Variants in ESR1 observed in about 807,000 individuals in gnomAD.
The protein encoded by ESR1 is estrogen receptor 1.
ESR1 carries 12 observed loss-of-function variants against 52.7 expected under a neutral mutation model. That is an observed-to-expected ratio of 0.23 (90% confidence interval 0.15 to 0.37). The LOEUF (loss-of-function observed/expected upper bound fraction) is 0.37. Ranked by LOEUF, ESR1 falls within the 10% of genes least tolerant of loss-of-function variation. The probability of loss-of-function intolerance (pLI) is 1.00; values close to 1 mark genes in which losing one functional copy is unlikely to be tolerated. For synonymous variants in ESR1, 305 were observed against 316.8 expected, an observed-to-expected ratio of 0.96 and a Z score of 0.39; for missense variants, 584 against 779.7, an observed-to-expected ratio of 0.75 and a Z score of 2.99.
intron 2 of ESR1, among the ~76,000 whole-genome samples, chr6:151,871,652 G>T (rs754949276): frequency 6.6e-6 from 1 of 152,022 alleles, no homozygotes; most frequent in Non-Finnish European, 1.5e-5. Flanking sequence ...TGATCTGCCC[G>T]CCTCAGCCTC....
intron 1 of ESR1, among the ~76,000 whole-genome samples, chr6:151,825,258 G>A (rs1036277836): frequency 3.9e-5 from 6 of 152,160 alleles, no homozygotes; most frequent in Non-Finnish European, 8.8e-5. Flanking sequence ...TGGCTTGGGA[G>A]ATGGCATGCT....
intron 4 of ESR1, among the ~76,000 whole-genome samples, chr6:152,006,109 T>C (rs1428142591): frequency 6.6e-6 from 1 of 152,072 alleles, no homozygotes; most frequent in Non-Finnish European, 1.5e-5. Context: ...AAGAGAAAGC[T>C]CATGTTCTTC....
intron 2 of ESR1, among the ~76,000 whole-genome samples, chr6:151,728,691 C>A (rs1001163564): frequency 6.6e-6 from 1 of 152,148 alleles, no homozygotes; most frequent in Non-Finnish European, 1.5e-5. Flanking sequence ...TTTGATGCGC[C>A]TCCTTTTAAA....
upstream of ESR1, among the ~76,000 whole-genome samples, chr6:151,801,728 G>A (rs931347209): frequency 6.6e-6 from 1 of 152,232 alleles, no homozygotes; most frequent in Non-Finnish European, 1.5e-5. Flanking sequence ...AAAAGCCATT[G>A]TACTTAAAGA....
chr6:152,085,633 GATATCCCAGC>G (rs1362313596), intron 6 of ESR1, among the ~76,000 whole-genome samples: 2 of 152,092 alleles, frequency 1.3e-5, no homozygotes, highest in Non-Finnish European at 2.9e-5. Context: ...AGACCTGTCT[GATATCCCAGC>G]ATAGGACACT....
At chr6:152,069,227 A>T (rs1018866604) in intron 6 of ESR1, among the ~76,000 whole-genome samples, 3 of 136,600 alleles carry the variant, frequency 2.2e-5, no homozygotes, top group Non-Finnish European at 4.5e-5. Context: ...TTCTGGCAAG[A>T]AGGAGGCTGA....
Position 151,872,746 on chromosome 6 carries a change from A to G in ESR1, c.644-7909A>G, listed in dbSNP as rs141730114. Among the ~76,000 whole-genome samples, 41 of 152,268 alleles carry G rather than the reference A, an allele frequency of 2.7e-4. No individual in the cohort carries two copies. The East Asian group carries it at 6.2e-3, about 23-fold the overall frequency. On this transcript the variant is annotated intron_variant, in intron 2 of 7. Transcript: ENST00000206249. ...AGTAGATAATGTGGGTGGTCCTACC[A>G]AGACAAAGCATCACTCAGGAGTCAA...
intron 3 of ESR1, among the ~76,000 whole-genome samples, chr6:151,896,311 C>A (rs1410641517): frequency 6.6e-6 from 1 of 152,096 alleles, no homozygotes; most frequent in Non-Finnish European, 1.5e-5. Context: ...TTCATCTGGT[C>A]CTGGACTTTT....
chr6:151,719,364 A>G (rs1781290242), intron 2 of ESR1, among the ~76,000 whole-genome samples: 2 of 152,162 alleles, frequency 1.3e-5, no homozygotes, highest in Admixed American at 1.3e-4. Flanking sequence ...GTGCAAGAGT[A>G]CTGTCAAGAT....
At chr6:152,047,138 CCT>C (rs1373728005) in intron 5 of ESR1, among the ~76,000 whole-genome samples, 2 of 152,042 alleles carry the variant, frequency 1.3e-5, no homozygotes, top group Non-Finnish European at 2.9e-5. Flanking sequence ...CTTGCTACTC[CCT>C]GTTTTATTTT....
chr6:151,658,256 C>G (rs1407546117), intron 1 of ESR1, among the ~76,000 whole-genome samples: 2 of 152,154 alleles, frequency 1.3e-5, no homozygotes, highest in African/African-American at 4.8e-5. Context: ...TCAATAAAAC[C>G]GAGTTTCAGG....
At chr6:151,821,015 G>T (rs922021469) in intron 1 of ESR1, among the ~76,000 whole-genome samples, 3 of 152,096 alleles carry the variant, frequency 2.0e-5, no homozygotes, top group African/African-American at 7.2e-5. Flanking sequence ...AGGGGCCTTA[G>T]ACATGATGGA....
At chr6:151,940,434 C>G (rs1388029707) in intron 3 of ESR1, among the ~76,000 whole-genome samples, 2 of 152,188 alleles carry the variant, frequency 1.3e-5, no homozygotes, top group Non-Finnish European at 2.9e-5. Context: ...ATAGTCATCT[C>G]TTTCCTCATC....
At chr6:151,886,778 C>T (rs1793914313) in intron 3 of ESR1, among the ~76,000 whole-genome samples, 2 of 152,136 alleles carry the variant, frequency 1.3e-5, no homozygotes, top group African/African-American at 4.8e-5. Flanking sequence ...TGGTGGCTCA[C>T]ACCTGTAATC....
intron 4 of ESR1, among the ~76,000 whole-genome samples, chr6:151,959,464 C>T (rs1368204905): frequency 6.6e-6 from 1 of 152,154 alleles, no homozygotes; most frequent in African/African-American, 2.4e-5. Context: ...TTGTCTCTCC[C>T]TTGCCCTCTC....
chr6:151,720,465 A>G (rs1052253316), intron 2 of ESR1, among the ~76,000 whole-genome samples: 2 of 152,202 alleles, frequency 1.3e-5, no homozygotes, highest in Admixed American at 1.3e-4. Flanking sequence ...AAGATGCTCC[A>G]TTGCAAAAGT....
At position 152,122,312 on chromosome 6, in the gene ESR1, G is replaced by A; in HGVS notation, c.851-2954G>A. Reference sequence around the variant, plus strand: ...ATTTGCACACATGTGATCTGGAGGAGGGCTAAAGCTGCCACACCGAGGGCT... The same window carrying A: ...ATTTGCACACATGTGATCTGGAGGAAGGCTAAAGCTGCCACACCGAGGGCT... On this transcript the variant is annotated intron_variant, in intron 6 of 6. Coordinates refer to the ESR1 transcript ENST00000427531. 6 of 1,496,550 alleles carry A rather than the reference G, an allele frequency of 4.0e-6. No homozygotes were observed. In the South Asian group the frequency reaches 6.9e-5, roughly 17 times the overall value. The allele number at this position is 1,496,550 out of a possible 1,614,324, so 92.7% of individuals were successfully genotyped here.
At chr6:151,874,081 A>G (rs969205639) in intron 2 of ESR1, among the ~76,000 whole-genome samples, 8 of 152,320 alleles carry the variant, frequency 5.3e-5, no homozygotes, top group African/African-American at 1.9e-4. Context: ...GTGCTTAAAC[A>G]TTGGAGAATT....
intron 2 of ESR1, among the ~76,000 whole-genome samples, chr6:151,863,061 T>C (rs1275873637): frequency 6.6e-6 from 1 of 152,206 alleles, no homozygotes; most frequent in Non-Finnish European, 1.5e-5. Flanking sequence ...CTACAGTCTC[T>C]TGTAGTATAG....
Sources: allele counts gnomAD v4.1 joint callset (sites outside exome capture counted in the v4.1 genomes callset), GRCh38; gene constraint gnomAD v4.1.1; transcripts MANE v1.5; gene names NCBI Gene and HGNC (gene_info 2026-07-23, HGNC 2026-07-21).